RAD54L2: variants seen among roughly 807,000 people sequenced by gnomAD.
RAD54L2 encodes the protein RAD54 like 2, also known as helicase ARIP4.
In RAD54L2, 27 loss-of-function variants were observed where a neutral mutation model predicts 138.4. That is an observed-to-expected ratio of 0.20 (90% confidence interval 0.14 to 0.27). The LOEUF (loss-of-function observed/expected upper bound fraction) is 0.27, where lower values mean the gene tolerates loss of function less well. Ranked by LOEUF, RAD54L2 falls within the 10% of genes least tolerant of loss-of-function variation. RAD54L2 has a pLI of 1.00. For synonymous variants in RAD54L2, 644 were observed against 723.2 expected (o/e 0.89, Z 1.76); for missense variants, 1,396 against 1,890.2 (o/e 0.74, Z 4.85).
chr3:51,607,027 A>G (rs763039952), intron 3 of RAD54L2, among the ~76,000 whole-genome samples: 3 of 146,720 alleles, frequency 2.0e-5, no homozygotes, highest in African/African-American at 4.9e-5. Context: ...TTATTATTAT[A>G]TTTTTAAAAG....
chr3:51,604,417 T>C (rs1049451640), intron 3 of RAD54L2, among the ~76,000 whole-genome samples: 3 of 152,190 alleles, frequency 2.0e-5, no homozygotes, highest in Non-Finnish European at 4.4e-5. Context: ...CAAGGTATAG[T>C]ACATGTGTGG....
At chr3:51,595,229 T>A (rs1699935918) in intron 3 of RAD54L2, among the ~76,000 whole-genome samples, 2 of 152,152 alleles carry the variant, frequency 1.3e-5, no homozygotes, top group Admixed American at 6.6e-5. Context: ...ACTCTAGCAC[T>A]GTATCAAAGA....
At chr3:51,626,429 C>T (rs1293068002) in intron 3 of RAD54L2, among the ~76,000 whole-genome samples, 1 of 29,900 alleles carries the variant, frequency 3.3e-5, no homozygotes, top group Non-Finnish European at 7.4e-5. Flanking sequence ...CCTGGACCCC[C>T]AACGATCTTT....
intron 2 of RAD54L2, among the ~76,000 whole-genome samples, chr3:51,556,409 T>C (rs1318097811): frequency 6.6e-6 from 1 of 152,030 alleles, no homozygotes; most frequent in Non-Finnish European, 1.5e-5. Context: ...CATGGCTGGC[T>C]AGATTTTACT....
chr3:51,555,363 A>C (rs1698937208), intron 2 of RAD54L2, among the ~76,000 whole-genome samples: 1 of 152,166 alleles, frequency 6.6e-6, no homozygotes, highest in Non-Finnish European at 1.5e-5. Flanking sequence ...CTGTAATCCC[A>C]GCACTCTGAA....
Position 51,645,177 on chromosome 3 carries a change from C to T in RAD54L2, c.2604C>T (p.Tyr868=). The T allele has an allele frequency of 1.2e-6, 2 of 1,613,834 alleles. No individual in the cohort carries two copies. Among genetic ancestry groups the T allele is most frequent in the East Asian group, 4.5e-5 (2 of 44,862 alleles). Residue 868 remains tyrosine (Y), a synonymous_variant, in exon 17 of 23, where the codon TAC becomes TAT. Coordinates refer to ENST00000684192, the MANE Select transcript of RAD54L2 (RefSeq NM_015106.4). The surrounding 1 kb of genome is among the most constrained non-coding windows in gnomAD (Gnocchi z 6.1). ...PCYIYRLVAD[Y]TLEKKIYDRQ... ...ACATCTATCGCCTTGTGGCTGATTA[C>T]ACTCTAGAAAAGAAGATCTATGACC... is the stretch of plus-strand genomic sequence containing the variant.
chr3:51,630,362 G>T lies in RAD54L2; in HGVS notation c.572G>T (p.Ser191Ile). The T allele has an allele frequency of 6.2e-7, 1 of 1,613,972 alleles. No individual in the cohort carries two copies. The highest frequency in any genetic ancestry group is 8.5e-7 in the Non-Finnish European group (1 of 1,179,856). Residue 191 changes from serine to isoleucine, a missense_variant, in exon 6 of 23, where the codon AGT becomes ATT. Physicochemically the swap from Ser to Ile is moderately radical, Grantham distance 142. Around this residue, in one of 7 missense-constraint regions of RAD54L2, gnomAD observed 256 missense variants for 344.6 expected, o/e 0.74. Coordinates refer to ENST00000684192, the MANE Select transcript of RAD54L2 (RefSeq NM_015106.4). ...ATTTGTTTGGACAGTAGCAGTGGCAGTGAGGATGAAAAAAGCAGTCGAGAT... is the reference window on the plus strand; with the variant it reads ...ATTTGTTTGGACAGTAGCAGTGGCATTGAGGATGAAAAAAGCAGTCGAGAT... Reference protein sequence around the residue: ...EVICLDSSSGSEDEKSSRDEV... With the variant: ...EVICLDSSSGIEDEKSSRDEV...
Position 51,557,698 on chromosome 3 carries a change from C to T in RAD54L2, c.-55+16048C>T, listed in dbSNP as rs188342735. ...TACAAAAATTAGCCAGGCATGGTGG[C>T]GGGCGCCTGTAATGCTAGCTACTTG... On this transcript the variant is annotated intron_variant, in intron 2 of 22. Coordinates refer to ENST00000684192, the MANE Select transcript of RAD54L2 (RefSeq NM_015106.4). 7.9e-4 allele frequency among the ~76,000 whole-genome samples: 120 copies of T among 151,534 alleles called. 1 individual carries two copies. The South Asian group carries it at 0.013, about 17-fold the overall frequency.
At position 51,663,373 on chromosome 3, in the gene RAD54L2, G is replaced by C; in HGVS notation, c.4357G>C (p.Asp1453His). ...EVAEVGFSSN[D>H]DEDKDDDVIE... ...TGCCGAGGTTGGGTTCAGCTCCAAT[G>C]ATGATGAGGATAAAGACGATGATGT... Residue 1453 changes from aspartate to histidine, a missense_variant, in exon 23 of 23, where the codon GAT becomes CAT. By Grantham distance (81) the Asp-to-His change is moderately conservative. Around this residue, in one of 7 missense-constraint regions of RAD54L2, gnomAD observed 634 missense variants for 711.2 expected, o/e 0.89. Coordinates refer to ENST00000684192, the MANE Select transcript of RAD54L2 (RefSeq NM_015106.4). 1 of 1,613,830 alleles carries C rather than the reference G, an allele frequency of 6.2e-7. No homozygotes were observed. Among genetic ancestry groups the C allele is most frequent in the Non-Finnish European group, 8.5e-7 (1 of 1,179,864 alleles).
At position 51,664,409 on chromosome 3, in the gene RAD54L2, A is replaced by G. The variant is rs1701870413; in HGVS notation, c.*989A>G. The G allele has an allele frequency of 6.6e-6, 1 of 152,202 alleles. No homozygotes were observed. The highest frequency in any genetic ancestry group is 1.5e-5 in the Non-Finnish European group (1 of 68,028). 9.4% of individuals were successfully genotyped at this position (152,202 alleles called of 1,614,324 possible). A position where few individuals can be genotyped will look rare whatever the true frequency, so the allele number is the denominator to read the frequency against. On this transcript the variant is annotated 3_prime_UTR_variant, in exon 23 of 23. Transcript: ENST00000684192. ...GTGGCTGGAAAATACATTTTTCACC[A>G]GGGTAGAACTGAGCCCCCAGCTGCC...
chr3:51,659,175 G>A (rs547491821), intron 21 of RAD54L2, among the ~76,000 whole-genome samples: 2 of 138,450 alleles, frequency 1.4e-5, no homozygotes, highest in East Asian at 4.2e-4. Flanking sequence ...GTGTGATCTC[G>A]GCTCACTGTG....
In RAD54L2 at chr3:51,638,168, T is replaced by A. The variant is rs1439149106; in HGVS notation, c.1707T>A (p.Ile569=). The A allele has an allele frequency of 1.9e-6, 3 of 1,613,878 alleles. No individual in the cohort carries two copies. Among genetic ancestry groups the A allele is most frequent in the African/African-American group, 2.7e-5 (2 of 74,936 alleles). ...GGAGAGGCCACACTGTGCTGAAGAT[T>A]CATCTCCCTGCCAAGGAAGAAAATG... ...VQRRGHTVLK[I]HLPAKEENVI... Residue 569 remains isoleucine, a synonymous_variant, in exon 12 of 23, where the codon ATT becomes ATA. Coordinates refer to ENST00000684192, the MANE Select transcript of RAD54L2 (RefSeq NM_015106.4). This position sits in a 1 kb window ranked among gnomAD's most constrained non-coding sequence, Gnocchi z 4.3.
At chr3:51,552,498 A>G (rs1480894947) in intron 2 of RAD54L2, among the ~76,000 whole-genome samples, 2 of 149,638 alleles carry the variant, frequency 1.3e-5, no homozygotes, top group Non-Finnish European at 2.9e-5. Context: ...TCCTGACCTC[A>G]TGATCCACCT....
Position 51,663,240 on chromosome 3 carries a change from C to G in RAD54L2, c.4224C>G (p.Asn1408Lys). ...TTCCTTCCCCTGTCTTGCCCAGCAACCTTTCGCGGGGCATGTCTATCTATC... is the reference window on the plus strand; with the variant it reads ...TTCCTTCCCCTGTCTTGCCCAGCAAGCTTTCGCGGGGCATGTCTATCTATC... ...APFPSPVLPS[N>K]LSRGMSIYPG... Residue 1408 changes from asparagine (N) to lysine (K), a missense_variant, in exon 23 of 23, where the codon AAC becomes AAG. Transcript: ENST00000684192. The G allele has an allele frequency of 6.2e-7, 1 of 1,614,002 alleles. No individual in the cohort carries two copies. The highest frequency in any genetic ancestry group is 8.5e-7 in the Non-Finnish European group (1 of 1,179,884).
At chr3:51,660,189 ACTT>A (rs1402847410) in intron 22 of RAD54L2, 71 bp downstream of exon 22, 41 of 1,254,290 alleles carry the variant, frequency 3.3e-5, no homozygotes, top group Non-Finnish European at 4.4e-5. Flanking sequence ...TTAGGTATTA[ACTT>A]ATTATGTGAA....
intron 1 of RAD54L2, among the ~76,000 whole-genome samples, chr3:51,539,850 G>A (rs1698507260): frequency 6.6e-6 from 1 of 152,116 alleles, no homozygotes; most frequent in Admixed American, 6.6e-5. Flanking sequence ...ACATTGAGGT[G>A]GATGCAACTG....
rs1700818197 is a variant in RAD54L2, at chr3:51,630,776, G to C, written c.670G>C (p.Asp224His). The change falls in exon 7 of 23, where the codon GAT becomes CAT. Residue 224 changes from aspartate to histidine, a missense_variant. Asp to His is a moderately conservative substitution (Grantham distance 81). This residue lies in a region of RAD54L2 where 256 missense variants were observed against 344.6 expected (regional missense o/e 0.74). Coordinates refer to ENST00000684192, the MANE Select transcript of RAD54L2 (RefSeq NM_015106.4). ...GGACAGCAGTGAATCTGTCAGTGAAGATGATGAGGAAGAAGAGAAGGGTGG... is the reference window on the plus strand; with the variant it reads ...GGACAGCAGTGAATCTGTCAGTGAACATGATGAGGAAGAAGAGAAGGGTGG... ...IVDSSESVSE[D>H]DEEEEKGGTH... The C allele has an allele frequency of 6.2e-7, 1 of 1,613,922 alleles. No individual in the cohort carries two copies. Among genetic ancestry groups the C allele is most frequent in the Non-Finnish European group, 8.5e-7 (1 of 1,179,902 alleles).
intron 2 of RAD54L2, among the ~76,000 whole-genome samples, chr3:51,565,780 G>T (rs896656690): frequency 6.7e-6 from 1 of 148,638 alleles, no homozygotes; most frequent in African/African-American, 2.5e-5. Context: ...GACTAAAATA[G>T]ATTTTTCTTT....
intron 2 of RAD54L2, among the ~76,000 whole-genome samples, chr3:51,576,660 G>C (rs1360747564): frequency 2.0e-5 from 3 of 151,974 alleles, no homozygotes; most frequent in African/African-American, 7.3e-5. Flanking sequence ...ATTCTCTGAT[G>C]GTAGTTTGTA....
Sources: allele counts gnomAD v4.1 joint callset (sites outside exome capture counted in the v4.1 genomes callset), GRCh38; gene constraint gnomAD v4.1.1; regional missense constraint gnomAD v4.1.1; non-coding constraint Gnocchi (gnomAD v3.1); transcripts MANE v1.5; gene names NCBI Gene and HGNC (gene_info 2026-07-23, HGNC 2026-07-21).